Variants in SNX8 observed in about 807,000 individuals in gnomAD.
The protein encoded by SNX8 is sorting nexin-8.
Under a neutral mutation model 51.6 loss-of-function variants are expected in SNX8, and 25 were observed. The ratio of observed to expected loss-of-function variants is 0.48; its 90% CI spans 0.35 to 0.68. The LOEUF (loss-of-function observed/expected upper bound fraction) is 0.68, where lower values mean the gene tolerates loss of function less well. Ranked by LOEUF, SNX8 falls within the 30% of genes least tolerant of loss-of-function variation. The probability of loss-of-function intolerance (pLI) is 0.00; values close to 1 mark genes in which losing one functional copy is unlikely to be tolerated. For synonymous variants in SNX8, 324 were observed against 277.0 expected (o/e 1.17, Z -1.68); for missense variants, 695 against 624.0 (o/e 1.11, Z -1.21).
At chr7:2,270,937 A>T (rs2115119937) in intron 4 of SNX8, among the ~76,000 whole-genome samples, 1 of 152,254 alleles carries the variant, frequency 6.6e-6, no homozygotes, top group South Asian at 2.1e-4. Flanking sequence ...CTCCCCGCAC[A>T]GGGAGAGGGT....
At chr7:2,276,440 C>G (rs529683422) in intron 2 of SNX8, among the ~76,000 whole-genome samples, 3 of 152,294 alleles carry the variant, frequency 2.0e-5, no homozygotes, top group African/African-American at 7.2e-5. Context: ...CCATTCGGAC[C>G]GTGTGGCCAC....
At chr7:2,320,844 AC>A (rs978941952) in intron 1 of SNX8, among the ~76,000 whole-genome samples, 14 of 151,752 alleles carry the variant, frequency 9.2e-5, no homozygotes, top group Non-Finnish European at 2.9e-5. Context: ...AACATGTGAA[AC>A]CCTGTCTCTA....
upstream of SNX8, chr7:2,314,525 CCCCCGCGCGCCACGCCCACAGTCCG>C: frequency 9.3e-7 from 1 of 1,072,324 alleles, no homozygotes; most frequent in South Asian, 4.5e-5. Flanking sequence ...CACGCCCCCT[CCCCCGCGCGCCACGCCCACAGTCCG>C]CCCCTGCGGG....
intron 1 of SNX8, among the ~76,000 whole-genome samples, chr7:2,342,267 T>C (rs768140410): frequency 2.6e-5 from 4 of 152,056 alleles, no homozygotes; most frequent in African/African-American, 9.7e-5. Context: ...AGGCCTGGAA[T>C]GAGAAAAGAA....
chr7:2,308,134 T>C (rs950552575), intron 1 of SNX8, among the ~76,000 whole-genome samples: 1 of 152,098 alleles, frequency 6.6e-6, no homozygotes, highest in African/African-American at 2.4e-5. Flanking sequence ...TGCAGTGTTG[T>C]CAAGTCTTAT....
chr7:2,328,812 G>A (rs561504003), intron 1 of SNX8, among the ~76,000 whole-genome samples: 68 of 129,602 alleles, frequency 5.2e-4, no homozygotes, highest in Middle Eastern at 5.1e-3. Flanking sequence ...CTCGCCAGGC[G>A]TGGTGGCTCA....
At position 2,351,272 on chromosome 7, in the gene SNX8, C is replaced by T. The variant is rs187479777; in HGVS notation, c.-66+2950G>A. ...CCTCAGAGGCTCAGAAATAGACCAGCGGAGGCCAGGCCTGCTGGCTCATGC... is the reference window on the plus strand; with the variant it reads ...CCTCAGAGGCTCAGAAATAGACCAGTGGAGGCCAGGCCTGCTGGCTCATGC... On this transcript the variant is annotated intron_variant, in intron 1 of 5. Transcript: ENST00000435336. 1.6e-3 allele frequency among the ~76,000 whole-genome samples: 250 copies of T among 152,280 alleles called. 1 individual carries two copies. Among genetic ancestry groups the T allele is most frequent in the African/African-American group, 5.9e-3 (244 of 41,554 alleles).
upstream of SNX8, among the ~76,000 whole-genome samples, chr7:2,316,171 TCACC>T (rs1796753039): frequency 6.9e-6 from 1 of 144,670 alleles, no homozygotes; most frequent in African/African-American, 2.6e-5. Flanking sequence ...CTGCATTCAT[TCACC>T]CACTCACTCA....
intron 7 of SNX8, among the ~76,000 whole-genome samples, chr7:2,261,382 G>A (rs544666164): frequency 6.6e-6 from 1 of 152,120 alleles, no homozygotes; most frequent in South Asian, 2.1e-4. Context: ...GCAGTGAGCC[G>A]AGATCACACC....
intron 5 of SNX8, among the ~76,000 whole-genome samples, chr7:2,266,328 G>T (rs1795462877): frequency 6.7e-6 from 1 of 149,878 alleles, no homozygotes; most frequent in African/African-American, 2.5e-5. Flanking sequence ...GGGATTACAG[G>T]TGCCTGCCAC....
At chr7:2,305,881 G>C (rs1222258948) in intron 1 of SNX8, among the ~76,000 whole-genome samples, 1 of 151,896 alleles carries the variant, frequency 6.6e-6, no homozygotes, top group Admixed American at 6.6e-5. Flanking sequence ...AGGAGTTCAA[G>C]AACAGCCTCA....
intron 1 of SNX8, among the ~76,000 whole-genome samples, chr7:2,350,934 A>G (rs1195330961): frequency 6.6e-6 from 1 of 152,074 alleles, no homozygotes; most frequent in Non-Finnish European, 1.5e-5. Flanking sequence ...GGTGGGAGCC[A>G]CTGTGCCTCG....
At chr7:2,267,653 G>C (rs1010200384) in intron 5 of SNX8, among the ~76,000 whole-genome samples, 21 of 148,934 alleles carry the variant, frequency 1.4e-4, no homozygotes, top group African/African-American at 4.9e-4. Context: ...ACGTGATCTC[G>C]GCTCACTACA....
intron 1 of SNX8, among the ~76,000 whole-genome samples, chr7:2,346,737 C>CAAAA (rs143462126): frequency 4.4e-5 from 2 of 45,314 alleles, no homozygotes; most frequent in African/African-American, 1.7e-4. Flanking sequence ...GACTCCGTCT[C>CAAAA]AAAAAAAAAA....
At chr7:2,335,061 T>C (rs1162587809) in intron 1 of SNX8, among the ~76,000 whole-genome samples, 4 of 151,752 alleles carry the variant, frequency 2.6e-5, no homozygotes, top group Admixed American at 1.3e-4. Context: ...CTGGGTGTGG[T>C]TGTGTGCGCC....
chr7:2,351,540 A>G (rs1171573167), intron 1 of SNX8, among the ~76,000 whole-genome samples: 1 of 152,020 alleles, frequency 6.6e-6, no homozygotes, highest in East Asian at 1.9e-4. Flanking sequence ...CCCTGTTAAA[A>G]AATAATAATA....
At chr7:2,311,580 T>C (rs1796657959) in intron 1 of SNX8, among the ~76,000 whole-genome samples, 1 of 151,796 alleles carries the variant, frequency 6.6e-6, no homozygotes, top group Admixed American at 6.6e-5. Context: ...TCAACACACA[T>C]TCCCTTGACA....
chr7:2,293,982 G>C (rs1017493307), intron 1 of SNX8, among the ~76,000 whole-genome samples: 12 of 147,630 alleles, frequency 8.1e-5, no homozygotes, highest in African/African-American at 2.5e-4. Flanking sequence ...AAAAAATAGA[G>C]GCTGAGCGCA....
rs1157106528 is a variant in SNX8 at position 2,255,181 on chromosome 7, G to T, written c.1285-12C>A. On this transcript the variant is annotated splice_polypyrimidine_tract_variant and intron_variant, in intron 10 of 10. Transcript: ENST00000222990. ...CACACCTTGCTCATCTGAAAGGGAA[G>T]CGAAGAGAACAAGATCAGCAGGCGG... is the stretch of plus-strand genomic sequence containing the variant. The T allele has an allele frequency of 2.0e-6, 3 of 1,507,684 alleles. No individual in the cohort carries two copies. The highest frequency in any genetic ancestry group is 1.8e-6 in the Non-Finnish European group (2 of 1,114,824). 93.4% of individuals were successfully genotyped at this position (1,507,684 alleles called of 1,614,324 possible). A position where few individuals can be genotyped will look rare whatever the true frequency, so the allele number is the denominator to read the frequency against.
Sources: allele counts gnomAD v4.1 joint callset (sites outside exome capture counted in the v4.1 genomes callset), GRCh38; gene constraint gnomAD v4.1.1; transcripts MANE v1.5; gene names NCBI Gene and HGNC (gene_info 2026-07-23, HGNC 2026-07-21).